SGPP2: variants seen among roughly 807,000 people sequenced by gnomAD.
The protein encoded by SGPP2 is sphingosine 1-phosphate phosphohydrolase 2.
Under a neutral mutation model 33.9 loss-of-function variants are expected in SGPP2, and 30 were observed. The ratio of observed to expected loss-of-function variants is 0.89; its 90% CI spans 0.66 to 1.20. The LOEUF (loss-of-function observed/expected upper bound fraction) is 1.20. SGPP2 is among the 50% of genes most tolerant of loss of function. The pLI is 0.00. For synonymous variants in SGPP2, 233 were observed against 225.0 expected (o/e 1.04, Z -0.32); for missense variants, 458 against 532.1 (o/e 0.86, Z 1.37).
intron 4 of SGPP2, among the ~76,000 whole-genome samples, chr2:222,531,466 A>G (rs1283092555): frequency 6.6e-6 from 1 of 152,230 alleles, no homozygotes; most frequent in Non-Finnish European, 1.5e-5. Flanking sequence ...AGGTACCTAG[A>G]GTAATCAAAT....
chr2:222,536,262 C>A (rs969824383), intron 4 of SGPP2, among the ~76,000 whole-genome samples: 4 of 152,176 alleles, frequency 2.6e-5, no homozygotes, highest in African/African-American at 9.7e-5. Context: ...TGTGAAGTCA[C>A]CTTCTGTAAA....
chr2:222,477,436 T>C lies in SGPP2; in HGVS notation c.378+2710T>C, dbSNP rs1280194354. Among the ~76,000 whole-genome samples the C allele has an allele frequency of 6.6e-6, 1 of 151,844 alleles. No individual in the cohort carries two copies. Among genetic ancestry groups the C allele is most frequent in the Non-Finnish European group, 1.5e-5 (1 of 67,890 alleles). ...GTGTTTATAGGTATGTATATATGTG[T>C]GAATGTATGTATATAGGTGTGTATA... is the stretch of plus-strand genomic sequence containing the variant. On this transcript the variant is annotated intron_variant, in intron 2 of 4. Transcript: ENST00000321276. This position sits in a 1 kb window ranked among gnomAD's most constrained non-coding sequence, Gnocchi z 6.0.
intron 1 of SGPP2, among the ~76,000 whole-genome samples, chr2:222,440,864 T>G (rs147843260): frequency 6.6e-6 from 1 of 151,972 alleles, no homozygotes; most frequent in Non-Finnish European, 1.5e-5. Context: ...TGACACTCTC[T>G]GCTTCCTTTA....
chr2:222,462,217 C>G (rs1424376537), intron 1 of SGPP2, among the ~76,000 whole-genome samples: 1 of 152,104 alleles, frequency 6.6e-6, no homozygotes, highest in Non-Finnish European at 1.5e-5. Context: ...ATGGTCAACA[C>G]ATATGCTTAT....
intron 1 of SGPP2, among the ~76,000 whole-genome samples, chr2:222,469,968 C>T (rs138619078): frequency 0.016 from 2,486 of 152,298 alleles, 69 homozygotes; most frequent in African/African-American, 0.057. Context: ...TTTGCAGGGA[C>T]ATGGATGAAG....
At chr2:222,433,049 AAGAG>A (rs889510987) in intron 1 of SGPP2, among the ~76,000 whole-genome samples, 7 of 133,544 alleles carry the variant, frequency 5.2e-5, no homozygotes, top group African/African-American at 1.7e-4. Context: ...GAAAGAAAGA[AAGAG>A]AGAGAAAGAG....
chr2:222,528,932 C>A (rs1698799273), intron 4 of SGPP2, among the ~76,000 whole-genome samples: 1 of 152,132 alleles, frequency 6.6e-6, no homozygotes, highest in African/African-American at 2.4e-5. Context: ...AAATAGACAA[C>A]AATGAAGTTT....
rs146950464 is a variant in SGPP2, at chr2:222,550,389, A to ACT, written c.649-7957_649-7956dup. Among the ~76,000 whole-genome samples, 1,411 of 152,264 alleles carry ACT rather than the reference A, an allele frequency of 9.3e-3. 16 individuals carry two copies. Among genetic ancestry groups the ACT allele is most frequent in the African/African-American group, 0.027 (1,127 of 41,544 alleles). On this transcript the variant is annotated intron_variant, in intron 4 of 4. Transcript: ENST00000321276. This position sits in a 1 kb window ranked among gnomAD's most constrained non-coding sequence, Gnocchi z 4.5. ...ATTATAATAAAAATAACAGGTATTG[A>ACT]CTAGAAAATTTGGAAGATCCTGGAG...
At chr2:222,439,908 A>G (rs190315961) in intron 1 of SGPP2, among the ~76,000 whole-genome samples, 1 of 152,314 alleles carries the variant, frequency 6.6e-6, no homozygotes, top group East Asian at 1.9e-4. Flanking sequence ...CCAAGGTCAT[A>G]TTCCTGGTCT....
At chr2:222,470,155 A>G (rs1184378317) in intron 1 of SGPP2, among the ~76,000 whole-genome samples, 2 of 152,130 alleles carry the variant, frequency 1.3e-5, no homozygotes, top group African/African-American at 2.4e-5. Context: ...CAGGGCAAAT[A>G]CCTAATGCAT....
chr2:222,493,795 T>A (rs1361274236), intron 2 of SGPP2, among the ~76,000 whole-genome samples: 1 of 152,216 alleles, frequency 6.6e-6, no homozygotes, highest in Non-Finnish European at 1.5e-5. Context: ...AAATTAATGA[T>A]CTCTTTGGAG....
At chr2:222,510,478 A>T (rs1698510176) in intron 2 of SGPP2, among the ~76,000 whole-genome samples, 2 of 152,192 alleles carry the variant, frequency 1.3e-5, no homozygotes, top group African/African-American at 2.4e-5. Flanking sequence ...AAATCCCAGC[A>T]GTTTGCAGTG....
intron 1 of SGPP2, among the ~76,000 whole-genome samples, chr2:222,467,262 A>G (rs116207211): frequency 6.6e-6 from 1 of 151,116 alleles, no homozygotes; most frequent in Non-Finnish European, 1.5e-5. Context: ...GGTCATTCGG[A>G]TGCATATTAC....
intron 3 of SGPP2, among the ~76,000 whole-genome samples, chr2:222,524,187 C>T (rs111802804): frequency 9.2e-5 from 14 of 152,332 alleles, no homozygotes; most frequent in African/African-American, 3.1e-4. Flanking sequence ...ACAGAGCCTA[C>T]TTCATAGGGC....
At chr2:222,501,039 A>G (rs995478006) in intron 2 of SGPP2, among the ~76,000 whole-genome samples, 1 of 152,218 alleles carries the variant, frequency 6.6e-6, no homozygotes, top group Admixed American at 6.5e-5. Context: ...CTGTAAGTAA[A>G]GTGGGGAGAT....
intron 4 of SGPP2, among the ~76,000 whole-genome samples, chr2:222,537,217 C>T (rs189430995): frequency 6.6e-6 from 1 of 152,162 alleles, no homozygotes; most frequent in Admixed American, 6.5e-5. Flanking sequence ...TAGAAAAAGC[C>T]CTTTCTAGGC....
chr2:222,513,096 A>G (rs1432222119), intron 2 of SGPP2, among the ~76,000 whole-genome samples: 1 of 152,248 alleles, frequency 6.6e-6, no homozygotes, highest in Non-Finnish European at 1.5e-5. Context: ...CCTATAAGCA[A>G]TGAATGAGAG....
rs1386908299 is a variant in SGPP2, at chr2:222,477,216, T to C, written c.378+2490T>C. Among the ~76,000 whole-genome samples, 1 of 151,604 alleles carries C rather than the reference T, an allele frequency of 6.6e-6. No homozygotes were observed. The highest frequency in any genetic ancestry group is 1.5e-5 in the Non-Finnish European group (1 of 67,830). ...ATATATGTGTGTGCATAGGTGCATA[T>C]ATATGTTTATGTATATAGGTGTGTA... On this transcript the variant is annotated intron_variant, in intron 2 of 4. Coordinates refer to ENST00000321276, the MANE Select transcript of SGPP2 (RefSeq NM_152386.4). The surrounding 1 kb of genome is among the most constrained non-coding windows in gnomAD (Gnocchi z 6.0).
chr2:222,438,464 A>G (rs1230249294), intron 1 of SGPP2, among the ~76,000 whole-genome samples: 1 of 152,254 alleles, frequency 6.6e-6, no homozygotes, highest in Non-Finnish European at 1.5e-5. Flanking sequence ...GAGAGTTGAT[A>G]TACCCCTGAG....
Sources: gnomAD v4.1 joint callset for allele counts (sites outside exome capture counted in the v4.1 genomes callset) on GRCh38, gnomAD v4.1.1 for gene constraint, Gnocchi (gnomAD v3.1) non-coding constraint, MANE v1.5 for transcripts, NCBI Gene and HGNC (gene_info 2026-07-23, HGNC 2026-07-21) for gene names.